The following EYA4 variants were observed in gnomAD, a reference collection of about 807,000 sequenced individuals.
EYA4 encodes EYA transcriptional coactivator and phosphatase 4, also known as protein phosphatase EYA4.
In EYA4, 31 loss-of-function variants were observed where a neutral mutation model predicts 87.9. That is an observed-to-expected ratio of 0.35 (90% CI 0.27 to 0.48). The LOEUF (loss-of-function observed/expected upper bound fraction) is 0.48. Among genes scored for constraint, EYA4 ranks in the 20% least tolerant of loss-of-function variants. The probability of loss-of-function intolerance (pLI) is 0.99; values close to 1 mark genes in which losing one functional copy is unlikely to be tolerated. For missense variants in EYA4, 678 were observed against 761.4 expected (o/e 0.89, Z 1.29); for synonymous variants, 263 against 270.6 (o/e 0.97, Z 0.28).
chr6:133,461,126 G>C lies in EYA4; in HGVS notation c.383G>C (p.Ser128Thr). ...DTFTGSVITS[S>T]GYSPRSAHQY... ...TTGTGTCTTACAGTAATTACAAGTAGTGGCTACAGCCCCAGATCAGCACAT... is the reference window on the plus strand; with the variant it reads ...TTGTGTCTTACAGTAATTACAAGTACTGGCTACAGCCCCAGATCAGCACAT... Residue 128 changes from serine to threonine, a missense_variant, in exon 7 of 20, where the codon AGT becomes ACT. Transcript: ENST00000355286. 1 of 1,612,612 alleles carries C rather than the reference G, an allele frequency of 6.2e-7. No homozygotes were observed. The highest frequency in any genetic ancestry group is 8.5e-7 in the Non-Finnish European group (1 of 1,178,774).
At chr6:133,328,153 G>T (rs1191176469) in intron 2 of EYA4, among the ~76,000 whole-genome samples, 1 of 152,122 alleles carries the variant, frequency 6.6e-6, no homozygotes. Flanking sequence ...TAACCTTTCT[G>T]TGCTTAGTTT....
intron 1 of EYA4, among the ~76,000 whole-genome samples, chr6:133,264,307 G>T (rs1164197894): frequency 1.3e-5 from 2 of 152,264 alleles, no homozygotes; most frequent in Admixed American, 1.3e-4. Context: ...TGCCATGGCT[G>T]CAGGTAGGAC....
chr6:133,401,410 C>A (rs66938915), intron 3 of EYA4, among the ~76,000 whole-genome samples: 1 of 151,910 alleles, frequency 6.6e-6, no homozygotes, highest in South Asian at 2.1e-4. Context: ...TGGAATGTTC[C>A]TAGCATAAAG....
intron 7 of EYA4, among the ~76,000 whole-genome samples, chr6:133,461,947 T>A (rs9373055): frequency 0.18 from 27,258 of 151,782 alleles, 2,728 homozygotes; most frequent in East Asian, 0.32. Context: ...TCACTCATGG[T>A]GAGTGTGAAT....
chr6:133,496,887 A>G (rs1410753786), intron 13 of EYA4, among the ~76,000 whole-genome samples: 1 of 152,170 alleles, frequency 6.6e-6, no homozygotes, highest in Non-Finnish European at 1.5e-5. Flanking sequence ...CACCATGTGA[A>G]GTGGCACTGC....
In EYA4 at chr6:133,483,074, C is replaced by A; in HGVS notation, c.1150C>A (p.His384Asn). The change falls in exon 13 of 20, where the codon CAC (histidine) becomes AAC (asparagine). Residue 384 changes from histidine to asparagine, a missense_variant. Coordinates refer to ENST00000355286, the MANE Select transcript of EYA4 (RefSeq NM_004100.5). ...TTTGGATGAAACCATCATTGTTTTTCACTCACTGCTCACCGGGTCTTATGC... is the reference window on the plus strand; with the variant it reads ...TTTGGATGAAACCATCATTGTTTTTAACTCACTGCTCACCGGGTCTTATGC... ...WDLDETIIVF[H>N]SLLTGSYAQK... The A allele has an allele frequency of 6.2e-7, 1 of 1,613,246 alleles. No individual in the cohort carries two copies. Among genetic ancestry groups the A allele is most frequent in the Non-Finnish European group, 8.5e-7 (1 of 1,179,506 alleles).
rs150680056 is a variant in EYA4 at position 133,293,415 on chromosome 6, A to G, written c.33+18602A>G. On this transcript the variant is annotated intron_variant, in intron 2 of 19. Coordinates refer to ENST00000355286, the MANE Select transcript of EYA4 (RefSeq NM_004100.5). ...GAAATAGGTAAATTTTCTGCTATCA[A>G]TAATCTCTCAGAAACACTTGATGAC... Among the ~76,000 whole-genome samples the G allele has an allele frequency of 5.6e-3, 852 of 152,264 alleles. 8 individuals carry two copies. Among genetic ancestry groups the G allele is most frequent in the Non-Finnish European group, 7.6e-3 (519 of 68,024 alleles).
intron 13 of EYA4, among the ~76,000 whole-genome samples, chr6:133,503,903 C>T (rs1798357939): frequency 6.6e-6 from 1 of 152,014 alleles, no homozygotes; most frequent in Non-Finnish European, 1.5e-5. Flanking sequence ...CCTTGAGACA[C>T]AAACTGGCAC....
intron 6 of EYA4, among the ~76,000 whole-genome samples, chr6:133,458,752 T>C (rs1794124706): frequency 6.6e-6 from 1 of 152,058 alleles, no homozygotes; most frequent in Non-Finnish European, 1.5e-5. Context: ...TCTCATCCCA[T>C]TGAGAGTCAC....
At chr6:133,273,125 G>A (rs1271774716) in intron 1 of EYA4, among the ~76,000 whole-genome samples, 1 of 99,194 alleles carries the variant, frequency 1.0e-5, no homozygotes, top group East Asian at 4.8e-4. Flanking sequence ...ATAAAGGGAA[G>A]TTTATTAAAT....
chr6:133,510,051 A>C (rs1007913619), intron 14 of EYA4, among the ~76,000 whole-genome samples: 75 of 152,196 alleles, frequency 4.9e-4, no homozygotes, highest in African/African-American at 1.7e-3. Context: ...AAAAACCTCA[A>C]ATATAACCTC....
At chr6:133,503,717 A>G (rs1276147791) in intron 13 of EYA4, among the ~76,000 whole-genome samples, 1 of 152,206 alleles carries the variant, frequency 6.6e-6, no homozygotes, top group East Asian at 1.9e-4. Context: ...AACCCTGTCA[A>G]AAAGACAGAG....
At chr6:133,495,143 C>T (rs554951399) in intron 13 of EYA4, among the ~76,000 whole-genome samples, 1 of 151,860 alleles carries the variant, frequency 6.6e-6, no homozygotes, top group South Asian at 2.1e-4. Context: ...GTGGTGGGCA[C>T]CTGTAATGCC....
rs1307409346 is a variant in EYA4, at chr6:133,470,701, T to C, written c.970+1970T>C. On this transcript the variant is annotated intron_variant, in intron 11 of 19. Coordinates refer to ENST00000355286, the MANE Select transcript of EYA4 (RefSeq NM_004100.5). Reference sequence around the variant, plus strand: ...TTGGGCAGTATGGCCATTTTCACGATATTGATTCTTCCTACCCATGAGCAT... The same window carrying C: ...TTGGGCAGTATGGCCATTTTCACGACATTGATTCTTCCTACCCATGAGCAT... 1.7e-4 allele frequency among the ~76,000 whole-genome samples: 7 copies of C among 41,896 alleles called. 2 individuals are homozygous for C. The highest frequency in any genetic ancestry group is 2.5e-4 in the Non-Finnish European group (6 of 24,062). 27.5% of individuals were successfully genotyped at this position (41,896 alleles called of 152,430 possible).
chr6:133,367,207 A>G (rs1255656748), intron 2 of EYA4, among the ~76,000 whole-genome samples: 1 of 152,146 alleles, frequency 6.6e-6, no homozygotes, highest in Non-Finnish European at 1.5e-5. Context: ...TTAGCTTACA[A>G]GCAGGGTAAA....
chr6:133,398,542 A>T (rs1787994085), intron 3 of EYA4, among the ~76,000 whole-genome samples: 1 of 151,926 alleles, frequency 6.6e-6, no homozygotes, highest in South Asian at 2.1e-4. Flanking sequence ...TGTTGCCTTT[A>T]TCCAGTTGGC....
At chr6:133,296,330 A>T (rs1201465271) in intron 2 of EYA4, among the ~76,000 whole-genome samples, 1 of 152,198 alleles carries the variant, frequency 6.6e-6, no homozygotes, top group Non-Finnish European at 1.5e-5. Flanking sequence ...GGGAGACGTC[A>T]AGTCACTGGA....
At chr6:133,321,746 C>T (rs1460721064) in intron 2 of EYA4, among the ~76,000 whole-genome samples, 2 of 152,168 alleles carry the variant, frequency 1.3e-5, no homozygotes, top group African/African-American at 4.8e-5. Flanking sequence ...TCTTTTCTTT[C>T]CCCCACAGCA....
intron 3 of EYA4, among the ~76,000 whole-genome samples, chr6:133,436,080 G>A (rs574909387): frequency 2.0e-5 from 3 of 152,226 alleles, no homozygotes; most frequent in East Asian, 1.9e-4. Flanking sequence ...TTAGCCAGGC[G>A]TGGTGGCACG....
Sources: allele counts gnomAD v4.1 joint callset (sites outside exome capture counted in the v4.1 genomes callset), GRCh38; gene constraint gnomAD v4.1.1; transcripts MANE v1.5; gene names NCBI Gene and HGNC (gene_info 2026-07-23, HGNC 2026-07-21).